Variants in PTPRT observed in about 807,000 individuals in gnomAD.
The protein encoded by PTPRT is protein tyrosine phosphatase receptor type T.
In PTPRT, 56 loss-of-function variants were observed where a neutral mutation model predicts 176.8. That is an observed-to-expected ratio of 0.32 (90% CI 0.26 to 0.40). The LOEUF is 0.40. Ranked by LOEUF, PTPRT falls within the 10% of genes least tolerant of loss-of-function variation. PTPRT has a pLI of 1.00. For synonymous variants in PTPRT, 783 were observed against 739.0 expected, an observed-to-expected ratio of 1.06 and a Z score of -0.96; for missense variants, 1,540 against 1,908.2, an observed-to-expected ratio of 0.81 and a Z score of 3.60.
intron 1 of PTPRT, among the ~76,000 whole-genome samples, chr20:42,944,039 T>C (rs771287677): frequency 4.6e-5 from 7 of 151,582 alleles, no homozygotes; most frequent in South Asian, 2.1e-4. Flanking sequence ...AATAAATAAA[T>C]AAATAAACAA....
At chr20:42,052,490 G>A in the PTPRT span, among the ~76,000 whole-genome samples, 1 of 152,076 alleles carries the variant, frequency 6.6e-6, no homozygotes, top group Non-Finnish European at 1.5e-5. Flanking sequence ...CCCACACCCC[G>A]CATACTTCCC....
chr20:42,504,269 A>G (rs924825913), intron 7 of PTPRT, among the ~76,000 whole-genome samples: 3 of 152,074 alleles, frequency 2.0e-5, no homozygotes, highest in South Asian at 4.1e-4. Context: ...CCATCTATTC[A>G]TTTATTGTTC....
chr20:42,281,674 T>C (rs2147053435), intron 13 of PTPRT, among the ~76,000 whole-genome samples: 1 of 152,270 alleles, frequency 6.6e-6, no homozygotes, highest in South Asian at 2.1e-4. Flanking sequence ...ACCACTTTTA[T>C]CTCCTTGGAA....
chr20:42,914,520 T>C (rs746385168), intron 1 of PTPRT, among the ~76,000 whole-genome samples: 1 of 152,214 alleles, frequency 6.6e-6, no homozygotes, highest in Non-Finnish European at 1.5e-5. Context: ...GAATGACCTA[T>C]TGACGCTTGC....
intron 7 of PTPRT, among the ~76,000 whole-genome samples, chr20:42,583,752 A>T (rs1463243797): frequency 6.6e-6 from 1 of 152,238 alleles, no homozygotes. Flanking sequence ...TATTATGTGA[A>T]TGTAAACCTA....
chr20:42,699,847 A>G (rs1344579549), intron 6 of PTPRT, among the ~76,000 whole-genome samples: 3 of 152,188 alleles, frequency 2.0e-5, no homozygotes, highest in African/African-American at 7.2e-5. Context: ...TACCAGTCCC[A>G]TTTAGGTTAA....
rs527969537 is a variant in PTPRT at position 42,656,307 on chromosome 20, C to A, written c.1153+21559G>T. ...AAATTCAGAGCCTGCCTAAGCCAAG[C>A]CTAAAGGAAAGATAAGAGCCTGCAA... On this transcript the variant is annotated intron_variant, in intron 7 of 30. Coordinates refer to ENST00000373187, the MANE Select transcript of PTPRT (RefSeq NM_007050.6). 2.0e-4 allele frequency among the ~76,000 whole-genome samples: 31 copies of A among 152,020 alleles called. No homozygotes were observed. In the South Asian group the frequency reaches 6.5e-3, roughly 32 times the overall value.
intron 6 of PTPRT, among the ~76,000 whole-genome samples, chr20:42,746,322 TAAA>T (rs1225970021): frequency 6.6e-6 from 1 of 152,124 alleles, no homozygotes; most frequent in East Asian, 1.9e-4. Flanking sequence ...TCTCTTTCCA[TAAA>T]AAGCTAATGG....
intron 6 of PTPRT, among the ~76,000 whole-genome samples, chr20:42,750,285 C>T (rs2076751790): frequency 6.6e-6 from 1 of 151,964 alleles, no homozygotes; most frequent in Admixed American, 6.6e-5. Flanking sequence ...TTTATACTTT[C>T]TAGTACTAGG....
At chr20:42,034,689 G>GGT in the PTPRT span, among the ~76,000 whole-genome samples, 1 of 152,062 alleles carries the variant, frequency 6.6e-6, no homozygotes, top group Non-Finnish European at 1.5e-5. Context: ...TTATGTGTGT[G>GGT]GTGTGTGTGT....
At chr20:42,888,079 T>C (rs1301899167) in intron 1 of PTPRT, among the ~76,000 whole-genome samples, 7 of 152,112 alleles carry the variant, frequency 4.6e-5, no homozygotes, top group Non-Finnish European at 8.8e-5. Flanking sequence ...GAGCAATAAC[T>C]TTCTATTTTT....
the PTPRT span, among the ~76,000 whole-genome samples, chr20:42,046,902 G>C: frequency 6.6e-6 from 1 of 152,086 alleles, no homozygotes; most frequent in African/African-American, 2.4e-5. Flanking sequence ...CTCTGATGTG[G>C]TTCCTCATGT....
intron 16 of PTPRT, among the ~76,000 whole-genome samples, chr20:42,180,473 T>C (rs1378557398): frequency 6.6e-6 from 1 of 152,258 alleles, no homozygotes; most frequent in Non-Finnish European, 1.5e-5. Context: ...CTTGTTATTA[T>C]GTCATATCAT....
chr20:42,874,752 G>T (rs528666513), intron 2 of PTPRT, among the ~76,000 whole-genome samples: 2 of 152,260 alleles, frequency 1.3e-5, no homozygotes, highest in South Asian at 4.2e-4. Flanking sequence ...CAGTGTTGTT[G>T]AAGTATTAAA....
chr20:42,068,840 G>T (rs1382275444), downstream of PTPRT, among the ~76,000 whole-genome samples: 3 of 152,214 alleles, frequency 2.0e-5, no homozygotes, highest in African/African-American at 7.2e-5. Flanking sequence ...ATGGGATGGA[G>T]TCAGTCCTCA....
At chr20:42,371,222 G>A (rs2058582612) in intron 9 of PTPRT, among the ~76,000 whole-genome samples, 1 of 152,228 alleles carries the variant, frequency 6.6e-6, no homozygotes, top group African/African-American at 2.4e-5. Context: ...GCCAGGATCT[G>A]TACCACTGGT....
chr20:43,038,150 CT>C (rs993673037), intron 1 of PTPRT, among the ~76,000 whole-genome samples: 1 of 151,084 alleles, frequency 6.6e-6, no homozygotes, highest in Admixed American at 6.6e-5. Context: ...TCAGACTCCA[CT>C]GGGGTTGTTA....
chr20:43,013,169 T>C lies in PTPRT; in HGVS notation c.89-127237A>G, dbSNP rs1219156775. Reference sequence around the variant, plus strand: ...TTTACTTAAAATATTGTAATTTTTTTCACTCTCTAATAACTCATTTTTATT... The same window carrying C: ...TTTACTTAAAATATTGTAATTTTTTCCACTCTCTAATAACTCATTTTTATT... On this transcript the variant is annotated intron_variant, in intron 1 of 30. Coordinates refer to ENST00000373187, the MANE Select transcript of PTPRT (RefSeq NM_007050.6). Among the ~76,000 whole-genome samples, 43 of 152,166 alleles carry C rather than the reference T, an allele frequency of 2.8e-4. 1 individual carries two copies. The highest frequency in any genetic ancestry group is 2.8e-3 in the Admixed American group (43 of 15,268).
chr20:42,100,680 G>A (rs182269049), intron 26 of PTPRT, among the ~76,000 whole-genome samples: 250 of 152,264 alleles, frequency 1.6e-3, no homozygotes, highest in African/African-American at 5.7e-3. Context: ...GGAAGTATGG[G>A]CGCACCCCTA....
Sources: allele counts gnomAD v4.1 joint callset (sites outside exome capture counted in the v4.1 genomes callset), GRCh38; gene constraint gnomAD v4.1.1; transcripts MANE v1.5; gene names NCBI Gene and HGNC (gene_info 2026-07-23, HGNC 2026-07-21).